CCDC171: variants seen among roughly 807,000 people sequenced by gnomAD.
CCDC171 encodes coiled-coil domain-containing protein 171.
A neutral mutation model predicts 168.2 loss-of-function variants in CCDC171; 177 were observed. The ratio of observed to expected loss-of-function variants is 1.05; its 90% CI spans 0.93 to 1.19. The LOEUF (loss-of-function observed/expected upper bound fraction) is 1.19. Among genes scored for constraint, CCDC171 ranks in the 50% most tolerant of loss-of-function variants. The probability of loss-of-function intolerance (pLI) is 0.00; values close to 1 mark genes in which losing one functional copy is unlikely to be tolerated. For synonymous variants in CCDC171, 687 were observed against 540.8 expected (o/e 1.27, Z -3.75); for missense variants, 1,991 against 1,539.0 (o/e 1.29, Z -4.91).
At chr9:16,099,816 G>A in the CCDC171 span, among the ~76,000 whole-genome samples, 1 of 152,170 alleles carries the variant, frequency 6.6e-6, no homozygotes, top group African/African-American at 2.4e-5. Context: ...TCTGCAAGTG[G>A]TTAGGGAACT....
intron 23 of CCDC171, among the ~76,000 whole-genome samples, chr9:15,852,754 T>C (rs1232886837): frequency 7.3e-6 from 1 of 136,428 alleles, no homozygotes; most frequent in Admixed American, 7.8e-5. Context: ...TGATTTTATA[T>C]ATTCTATCAT....
intron 21 of CCDC171, among the ~76,000 whole-genome samples, chr9:15,803,194 T>G (rs1377244204): frequency 6.6e-6 from 1 of 152,202 alleles, no homozygotes; most frequent in Non-Finnish European, 1.5e-5. Context: ...CAAAAATTTC[T>G]CCCATTCTTA....
At chr9:16,039,119 G>C (rs1257292534), upstream of CCDC171, among the ~76,000 whole-genome samples, 1 of 152,168 alleles carries the variant, frequency 6.6e-6, no homozygotes, top group Non-Finnish European at 1.5e-5. Context: ...AAGTCATTTT[G>C]GGAATGATAA....
intron 25 of CCDC171, among the ~76,000 whole-genome samples, chr9:15,965,512 C>G (rs1589267264): frequency 6.6e-6 from 1 of 152,176 alleles, no homozygotes; most frequent in Non-Finnish European, 1.5e-5. Flanking sequence ...TCTTTGAGCC[C>G]TAGTCTCTTC....
At chr9:15,907,409 A>G (rs1297772842) in intron 24 of CCDC171, among the ~76,000 whole-genome samples, 1 of 152,264 alleles carries the variant, frequency 6.6e-6, no homozygotes, top group Non-Finnish European at 1.5e-5. Context: ...AAATGGGGAA[A>G]CGATTCCCTA....
intron 9 of CCDC171, among the ~76,000 whole-genome samples, chr9:15,670,548 A>AT (rs1330374383): frequency 6.6e-6 from 1 of 151,876 alleles, no homozygotes; most frequent in Admixed American, 6.6e-5. Context: ...ATAGTATGCC[A>AT]TTTTTTTCAG....
chr9:15,558,643 T>C (rs2039009222), intron 1 of CCDC171, among the ~76,000 whole-genome samples: 1 of 152,200 alleles, frequency 6.6e-6, no homozygotes, highest in African/African-American at 2.4e-5. Context: ...TTAGTCTTGC[T>C]AGTGGTCTAG....
At chr9:16,106,114 G>A in the CCDC171 span, among the ~76,000 whole-genome samples, 3 of 152,122 alleles carry the variant, frequency 2.0e-5, no homozygotes, top group Non-Finnish European at 4.4e-5. Flanking sequence ...GAGGGATTCC[G>A]GGGACAGTGG....
At chr9:15,859,019 A>T (rs1472023886) in intron 23 of CCDC171, among the ~76,000 whole-genome samples, 3 of 151,792 alleles carry the variant, frequency 2.0e-5, no homozygotes, top group Non-Finnish European at 4.4e-5. Context: ...TTAGCTGTGA[A>T]CTCTACATAT....
chr9:15,624,862 G>A (rs988376648), intron 7 of CCDC171, among the ~76,000 whole-genome samples: 1 of 152,154 alleles, frequency 6.6e-6, no homozygotes, highest in Non-Finnish European at 1.5e-5. Flanking sequence ...GGTATTTCTA[G>A]TTCTAGATCC....
At chr9:15,889,752 T>C (rs1320906154) in intron 24 of CCDC171, among the ~76,000 whole-genome samples, 1 of 152,208 alleles carries the variant, frequency 6.6e-6, no homozygotes, top group Admixed American at 6.5e-5. Context: ...CTTTTCTTAC[T>C]CAACATTCTA....
At position 15,815,526 on chromosome 9, in the gene CCDC171, C is replaced by T. The variant is rs1218722295; in HGVS notation, c.3267+30832C>T. On this transcript the variant is annotated intron_variant, in intron 21 of 25. Coordinates refer to ENST00000380701, the MANE Select transcript of CCDC171 (RefSeq NM_173550.4). ...ACATTTTGTGATTATTTACCTCCTT[C>T]TTATTTTAAATGTGTCCCAACGTTT... Among the ~76,000 whole-genome samples the T allele has an allele frequency of 2.7e-5, 3 of 109,600 alleles. 1 individual carries two copies. The highest frequency in any genetic ancestry group is 2.2e-4 in the East Asian group (1 of 4,502). The allele number at this position is 109,600 out of a possible 152,430, so 71.9% of individuals were successfully genotyped here.
chr9:16,105,774 G>C, the CCDC171 span, among the ~76,000 whole-genome samples: 1 of 152,178 alleles, frequency 6.6e-6, no homozygotes, highest in Non-Finnish European at 1.5e-5. Context: ...TAACCAACAC[G>C]GTTTTTGGCC....
intron 3 of CCDC171, among the ~76,000 whole-genome samples, chr9:15,995,227 C>T (rs1378919837): frequency 2.6e-5 from 4 of 152,184 alleles, no homozygotes; most frequent in Non-Finnish European, 4.4e-5. Flanking sequence ...AAAGTACCTG[C>T]CATAACAGGA....
intron 16 of CCDC171, among the ~76,000 whole-genome samples, chr9:15,740,122 A>T (rs1016275657): frequency 2.6e-5 from 4 of 152,152 alleles, no homozygotes; most frequent in Non-Finnish European, 5.9e-5. Flanking sequence ...TATCTTTATA[A>T]CAAGATTAAG....
intron 3 of CCDC171, among the ~76,000 whole-genome samples, chr9:16,019,522 T>A (rs952396194): frequency 3.9e-5 from 6 of 152,094 alleles, no homozygotes; most frequent in Non-Finnish European, 8.8e-5. Flanking sequence ...AGAGTTGAGC[T>A]GTGAGGGGAA....
exon 2 of CCDC171, chr9:16,061,140 A>T (rs947660581): frequency 1.3e-5 from 2 of 152,234 alleles, no homozygotes; most frequent in African/African-American, 4.8e-5. Flanking sequence ...ATTACCAACC[A>T]GGTGGCTTTA....
chr9:15,952,066 G>A (rs1363090617), intron 25 of CCDC171, among the ~76,000 whole-genome samples: 1 of 152,102 alleles, frequency 6.6e-6, no homozygotes, highest in Non-Finnish European at 1.5e-5. Flanking sequence ...TCTTTCTTCA[G>A]TGAACTTCTT....
Position 15,601,447 on chromosome 9 carries a change from C to T in CCDC171, c.675+7275C>T, listed in dbSNP as rs79167583. On this transcript the variant is annotated intron_variant, in intron 6 of 25. Transcript: ENST00000380701. ...ACCTCTTCTGTAGAATCTGGAAGGA[C>T]AGTACAACCACGCTTTAGACCTCTT... Among the ~76,000 whole-genome samples, 1,444 of 152,260 alleles carry T rather than the reference C, an allele frequency of 9.5e-3. 25 individuals are homozygous for T. The highest frequency in any genetic ancestry group is 0.033 in the African/African-American group (1,376 of 41,548).
Sources: allele counts gnomAD v4.1 joint callset (sites outside exome capture counted in the v4.1 genomes callset), GRCh38; gene constraint gnomAD v4.1.1; transcripts MANE v1.5; gene names NCBI Gene and HGNC (gene_info 2026-07-23, HGNC 2026-07-21).